ACTR6: variants seen among roughly 807,000 people sequenced by gnomAD.
ACTR6 encodes actin related protein 6, also known as actin-related protein 6.
In ACTR6, 50 loss-of-function variants were observed where a neutral mutation model predicts 52.5. The observed-to-expected ratio is 0.95, with a 90% CI of 0.76 to 1.20. The LOEUF (loss-of-function observed/expected upper bound fraction) is 1.20. ACTR6 is among the 50% of genes most tolerant of loss of function. The probability of loss-of-function intolerance (pLI) is 0.00; values close to 1 mark genes in which losing one functional copy is unlikely to be tolerated. For missense variants in ACTR6, 344 were observed against 472.4 expected (o/e 0.73, Z 2.52); for synonymous variants, 135 against 147.2 (o/e 0.92, Z 0.60).
chr12:100,205,196 G>A, intron 2 of ACTR6, 139 bp downstream of exon 2: 1 of 513,396 alleles, frequency 1.9e-6, no homozygotes, highest in Non-Finnish European at 3.3e-6. Flanking sequence ...TAATTGTTTG[G>A]GTAAAAATAA....
Position 100,210,010 on chromosome 12 carries a change from C to T in ACTR6, c.380-63C>T, listed in dbSNP as rs2096118510. ...TCTTGGTGCTTGTCTTTGTTTCCTA[C>T]CTTTTTAATTGCTTTAAATTAGTGT... On this transcript the variant is annotated intron_variant, in intron 4 of 10. Coordinates refer to ENST00000188312, the MANE Select transcript of ACTR6 (RefSeq NM_022496.5). The T allele has an allele frequency of 3.5e-6, 5 of 1,433,482 alleles. No individual in the cohort carries two copies. In the Admixed American group the frequency reaches 7.2e-5, roughly 21 times the overall value. The allele number at this position is 1,433,482 out of a possible 1,614,324, so 88.8% of individuals were successfully genotyped here. A position where few individuals can be genotyped will look rare whatever the true frequency, so the allele number is the denominator to read the frequency against.
Position 100,210,067 on chromosome 12 carries a change from A to G in ACTR6, c.380-6A>G. 6.4e-7 allele frequency: 1 copy of G among 1,563,246 alleles called. No individual in the cohort carries two copies. Among genetic ancestry groups the G allele is most frequent in the South Asian group, 1.2e-5 (1 of 82,444 alleles). On this transcript the variant is annotated splice_region_variant and splice_polypyrimidine_tract_variant and intron_variant, in intron 4 of 10. Transcript: ENST00000188312. ...TTTGTTCACTTTTTTATCTTTTTTT[A>G]AATAGCTGGGGCTCTCAGTGCACAT...
chr12:100,205,399 ATAC>A (rs1173292893), intron 2 of ACTR6: 1 of 290,540 alleles, frequency 3.4e-6, no homozygotes, highest in Non-Finnish European at 6.2e-6. Flanking sequence ...GGAGAAAAAC[ATAC>A]TAACATAATT....
chr12:100,221,462 C>T (rs147284570), intron 10 of ACTR6, among the ~76,000 whole-genome samples: 191 of 152,220 alleles, frequency 1.3e-3, no homozygotes, highest in Admixed American at 2.4e-3. Context: ...AGCATATTGG[C>T]TTTTTCTCTT....
At chr12:100,202,658 A>T (rs780611659) in intron 1 of ACTR6, among the ~76,000 whole-genome samples, 7 of 152,120 alleles carry the variant, frequency 4.6e-5, no homozygotes, top group Admixed American at 3.3e-4. Context: ...GGAGATCCAG[A>T]GCATCATGGC....
At chr12:100,206,663 CCTTT>C (rs2153900096) in intron 3 of ACTR6, among the ~76,000 whole-genome samples, 1 of 151,238 alleles carries the variant, frequency 6.6e-6, no homozygotes, top group African/African-American at 2.4e-5. Context: ...CTTGTTCTGT[CCTTT>C]TTTTTTTCTT....
chr12:100,203,182 C>T (rs1418310830), intron 1 of ACTR6, among the ~76,000 whole-genome samples: 1 of 152,204 alleles, frequency 6.6e-6, no homozygotes, highest in Non-Finnish European at 1.5e-5. Context: ...GTGCTCACCT[C>T]TTGCTATGAA....
rs150092854 is a variant in ACTR6 at position 100,212,470 on chromosome 12, C to T, written c.692C>T (p.Thr231Ile). Residue 231 changes from threonine to isoleucine, a missense_variant, in exon 8 of 11, where the codon ACA (threonine) becomes ATA (isoleucine). Transcript: ENST00000188312. ...DIAKLKGEEN[T>I]VMIDYVLPDF... ...TCCAGGTTGAAAGGAGAAGAAAATA[C>T]AGTAATGATAGACTATGTCTTGCCT... 85 of 1,613,504 alleles carry T rather than the reference C, an allele frequency of 5.3e-5. No individual in the cohort carries two copies. The African/African-American group carries it at 9.1e-4, about 17-fold the overall frequency.
intron 1 of ACTR6, among the ~76,000 whole-genome samples, chr12:100,201,522 A>T (rs1174816868): frequency 6.6e-6 from 1 of 152,154 alleles, no homozygotes; most frequent in Non-Finnish European, 1.5e-5. Context: ...ACAGAGCATT[A>T]AAAAAAATTC....
intron 8 of ACTR6, among the ~76,000 whole-genome samples, chr12:100,213,265 G>A (rs1397875968): frequency 6.6e-6 from 1 of 152,044 alleles, no homozygotes; most frequent in Non-Finnish European, 1.5e-5. Context: ...GTTCATATTT[G>A]TATTTTTTGT....
At chr12:100,207,539 A>T in intron 3 of ACTR6, 124 bp from the exon 4 acceptor site, 2 of 903,578 alleles carry the variant, frequency 2.2e-6, no homozygotes, top group Non-Finnish European at 3.1e-6. Context: ...CTCATCTATT[A>T]AATGGGGATA....
chr12:100,203,386 C>T (rs2096111555), intron 1 of ACTR6, among the ~76,000 whole-genome samples: 1 of 152,094 alleles, frequency 6.6e-6, no homozygotes, highest in African/African-American at 2.4e-5. Context: ...TCACTGCAAC[C>T]TCCGCCTCCT....
chr12:100,202,202 A>G (rs1336074807), intron 1 of ACTR6, among the ~76,000 whole-genome samples: 1 of 152,118 alleles, frequency 6.6e-6, no homozygotes, highest in Non-Finnish European at 1.5e-5. Flanking sequence ...AAGTGCTGGG[A>G]TTACAGGTGT....
At chr12:100,211,543 G>A (rs945105572) in intron 6 of ACTR6, among the ~76,000 whole-genome samples, 3 of 152,126 alleles carry the variant, frequency 2.0e-5, no homozygotes, top group African/African-American at 7.2e-5. Context: ...AAAGTGCTGG[G>A]ATTACAGGCG....
At position 100,218,556 on chromosome 12, in the gene ACTR6, A is replaced by G. The variant is rs1484785755; in HGVS notation, c.892A>G (p.Ile298Val). 6 of 1,567,764 alleles carry G rather than the reference A, an allele frequency of 3.8e-6. No individual in the cohort carries two copies. Among genetic ancestry groups the G allele is most frequent in the Admixed American group, 1.8e-5 (1 of 54,688 alleles). ...TCAAGAAATGGGAATTCCAGAAGCT[A>G]TTGTCTATTCAATTCAAAATCTACC... ...GIQEMGIPEA[I>V]VYSIQNLPEE... The change falls in exon 9 of 11, where the codon ATT becomes GTT. Residue 298 changes from isoleucine to valine, a missense_variant. By Grantham distance (29) the Ile-to-Val change is conservative. Coordinates refer to ENST00000188312, the MANE Select transcript of ACTR6 (RefSeq NM_022496.5). The surrounding 1 kb of genome is among the most constrained non-coding windows in gnomAD (Gnocchi z 4.2).
chr12:100,223,121 TG>T (rs1442910174), intron 10 of ACTR6, among the ~76,000 whole-genome samples: 1 of 151,964 alleles, frequency 6.6e-6, no homozygotes, highest in African/African-American at 2.4e-5. Flanking sequence ...GTGGATCACC[TG>T]AGGTCAGGAG....
chr12:100,220,174 A>C (rs2096127021), intron 10 of ACTR6, 28 bp downstream of exon 10: 1 of 1,593,960 alleles, frequency 6.3e-7, no homozygotes, highest in Non-Finnish European at 8.6e-7. Flanking sequence ...TAGAAACGAA[A>C]CATGGAAGTC....
At chr12:100,208,941 C>G (rs1018872524) in intron 4 of ACTR6, 2 of 354,866 alleles carry the variant, frequency 5.6e-6, no homozygotes, top group African/African-American at 4.3e-5. Context: ...GAGACAGGGT[C>G]TCATTTTGTT....
At chr12:100,222,260 T>G (rs924258019) in intron 10 of ACTR6, among the ~76,000 whole-genome samples, 1 of 147,930 alleles carries the variant, frequency 6.8e-6, no homozygotes, top group Non-Finnish European at 1.5e-5. Flanking sequence ...GCTTTGGGTT[T>G]TTTTTTTTTT....
Sources: allele counts gnomAD v4.1 joint callset (sites outside exome capture counted in the v4.1 genomes callset), GRCh38; gene constraint gnomAD v4.1.1; non-coding constraint Gnocchi (gnomAD v3.1); transcripts MANE v1.5; gene names NCBI Gene and HGNC (gene_info 2026-07-23, HGNC 2026-07-21).